THSD7B: variants seen among roughly 807,000 people sequenced by gnomAD.
The protein encoded by THSD7B is thrombospondin type 1 domain containing 7B.
Under a neutral mutation model 213.6 loss-of-function variants are expected in THSD7B, and 138 were observed. The observed-to-expected ratio is 0.65, with a 90% CI of 0.56 to 0.74. The LOEUF (loss-of-function observed/expected upper bound fraction) is 0.74, where lower values mean the gene tolerates loss of function less well. Among genes scored for constraint, THSD7B ranks in the 30% least tolerant of loss-of-function variants. THSD7B has a pLI of 0.00. For missense variants in THSD7B, 1,931 were observed against 1,991.5 expected (o/e 0.97, Z 0.58); for synonymous variants, 742 against 687.0 (o/e 1.08, Z -1.25).
chr2:137,601,111 A>C (rs928311101), intron 17 of THSD7B, among the ~76,000 whole-genome samples: 2 of 152,216 alleles, frequency 1.3e-5, no homozygotes, highest in African/African-American at 4.8e-5. Context: ...AAAAGTTAAA[A>C]AAATTAAAAG....
chr2:136,885,188 C>T (rs1193243399), intron 2 of THSD7B, among the ~76,000 whole-genome samples: 2 of 152,260 alleles, frequency 1.3e-5, no homozygotes, highest in East Asian at 1.9e-4. Context: ...AGAAACCATT[C>T]TCTGGGTTTT....
intron 4 of THSD7B, among the ~76,000 whole-genome samples, chr2:137,114,235 T>C (rs1688403918): frequency 6.6e-6 from 1 of 152,254 alleles, no homozygotes; most frequent in Non-Finnish European, 1.5e-5. Flanking sequence ...CTTTGTTTAT[T>C]GTTCAGAATT....
intron 2 of THSD7B, among the ~76,000 whole-genome samples, chr2:136,920,751 T>C (rs532288662): frequency 1.3e-5 from 2 of 151,964 alleles, no homozygotes; most frequent in East Asian, 3.9e-4. Context: ...GAGGCACCTG[T>C]AGGCCTGCAC....
chr2:137,005,498 C>T (rs1352404303), intron 2 of THSD7B, among the ~76,000 whole-genome samples: 3 of 152,148 alleles, frequency 2.0e-5, no homozygotes, highest in African/African-American at 7.2e-5. Context: ...ATGTGCATAG[C>T]TCAGACTGTG....
At position 137,095,909 on chromosome 2, in the gene THSD7B, C is replaced by T. The variant is rs544266450; in HGVS notation, c.1199+788C>T. Among the ~76,000 whole-genome samples the T allele has an allele frequency of 2.0e-5, 3 of 152,044 alleles. No homozygotes were observed. The East Asian group carries it at 5.8e-4, about 29-fold the overall frequency. On this transcript the variant is annotated intron_variant, in intron 4 of 27. Transcript: ENST00000409968. ...TAGAGATGGGGTCTCACTGTGTTGC[C>T]CAGGCTGGTCTCAAACTCCTGGGCT...
At chr2:137,355,154 A>G in intron 12 of THSD7B, among the ~76,000 whole-genome samples, 1 of 152,298 alleles carries the variant, frequency 6.6e-6, no homozygotes, top group African/African-American at 2.4e-5. Flanking sequence ...TTTTTTAAGA[A>G]CAGCCACAAA....
At chr2:136,948,121 T>C (rs183106888) in intron 2 of THSD7B, among the ~76,000 whole-genome samples, 2 of 152,316 alleles carry the variant, frequency 1.3e-5, no homozygotes, top group East Asian at 1.9e-4. Flanking sequence ...GTATGTTTTT[T>C]TTTAAATGAC....
chr2:136,839,318 T>C (rs1682887393), intron 1 of THSD7B, among the ~76,000 whole-genome samples: 1 of 152,226 alleles, frequency 6.6e-6, no homozygotes, highest in Non-Finnish European at 1.5e-5. Flanking sequence ...CAGCCTCTGC[T>C]AATGAGAAAT....
intron 1 of THSD7B, among the ~76,000 whole-genome samples, chr2:136,823,404 T>C (rs1682595968): frequency 6.6e-6 from 1 of 152,246 alleles, no homozygotes; most frequent in African/African-American, 2.4e-5. Context: ...AAGCAGATGA[T>C]ACTTGTTTTT....
At chr2:136,830,514 T>C (rs1682735843) in intron 1 of THSD7B, among the ~76,000 whole-genome samples, 1 of 152,186 alleles carries the variant, frequency 6.6e-6, no homozygotes, top group South Asian at 2.1e-4. Context: ...TGTTAAGGTG[T>C]TCTAAGTTTC....
chr2:137,588,210 C>T (rs540177044), intron 17 of THSD7B, among the ~76,000 whole-genome samples: 7 of 152,248 alleles, frequency 4.6e-5, no homozygotes, highest in South Asian at 2.1e-4. Context: ...GAGAGTGACC[C>T]GATTTTCCAG....
intron 15 of THSD7B, chr2:137,511,959 A>G (rs897020782): frequency 1.9e-4 from 29 of 152,280 alleles, no homozygotes; most frequent in African/African-American, 6.3e-4. Flanking sequence ...GCCACCCTAT[A>G]TGAAGCAGTA....
At chr2:137,583,681 C>T (rs1009385300) in intron 17 of THSD7B, among the ~76,000 whole-genome samples, 3 of 152,112 alleles carry the variant, frequency 2.0e-5, no homozygotes, top group Middle Eastern at 3.2e-3. Context: ...GGGCTCTGTT[C>T]TGTTCCATTG....
chr2:137,246,937 A>G lies in THSD7B; in HGVS notation c.2266+4365A>G, dbSNP rs74631312. Among the ~76,000 whole-genome samples the G allele has an allele frequency of 5.7e-3, 868 of 152,264 alleles. 9 individuals carry two copies. The highest frequency in any genetic ancestry group is 0.02 in the African/African-American group (824 of 41,534). On this transcript the variant is annotated intron_variant, in intron 10 of 27. Coordinates refer to ENST00000409968, the MANE Select transcript of THSD7B (RefSeq NM_001316349.2). The stretch of plus-strand genomic sequence containing the variant: ...GTCTGAGCCTCATCCCAGCCCGCCC[A>G]GTCAGAATATCTTTAGGTTGGAAGG...
chr2:136,803,498 G>A (rs2710177), intron 1 of THSD7B, among the ~76,000 whole-genome samples: 2,318 of 152,228 alleles, frequency 0.015, 66 homozygotes, highest in African/African-American at 0.053. Flanking sequence ...AAAGTTAAAT[G>A]TCTACTGTGG....
intron 1 of THSD7B, among the ~76,000 whole-genome samples, chr2:136,849,431 C>T (rs888197501): frequency 2.8e-4 from 43 of 152,250 alleles, no homozygotes; most frequent in Non-Finnish European, 5.4e-4. Flanking sequence ...CACCATGTTG[C>T]TTCTCTAAGC....
In THSD7B at chr2:137,122,611, G is replaced by A. The variant is rs916542035; in HGVS notation, c.1369+7318G>A. ...GATAGAATTGTAGGCTATGATCTTA[G>A]GCCTCATGTGATCAGATCATGATAT... is the stretch of plus-strand genomic sequence containing the variant. On this transcript the variant is annotated intron_variant, in intron 5 of 27. Transcript: ENST00000409968. Among the ~76,000 whole-genome samples, 5 of 152,232 alleles carry A rather than the reference G, an allele frequency of 3.3e-5. No homozygotes were observed. In the East Asian group the frequency reaches 9.7e-4, roughly 29 times the overall value.
At chr2:137,380,683 G>A (rs546094060) in intron 12 of THSD7B, among the ~76,000 whole-genome samples, 7 of 152,308 alleles carry the variant, frequency 4.6e-5, no homozygotes, top group South Asian at 2.1e-4. Flanking sequence ...GAAGGAACCC[G>A]ACCCACTGCC....
chr2:137,491,704 A>G (rs1679405134), intron 15 of THSD7B, among the ~76,000 whole-genome samples: 2 of 152,172 alleles, frequency 1.3e-5, no homozygotes, highest in South Asian at 4.1e-4. Flanking sequence ...GTTTCATGCT[A>G]CACATGTTGA....
Sources: allele counts gnomAD v4.1 joint callset (sites outside exome capture counted in the v4.1 genomes callset), GRCh38; gene constraint gnomAD v4.1.1; transcripts MANE v1.5; gene names NCBI Gene and HGNC (gene_info 2026-07-23, HGNC 2026-07-21).